The following DGKZ variants were observed in gnomAD, a reference collection of about 807,000 sequenced individuals.
The protein encoded by DGKZ is diacylglycerol kinase zeta.
A neutral mutation model predicts 142.5 loss-of-function variants in DGKZ; 45 were observed. The observed-to-expected ratio is 0.32, with a 90% CI of 0.25 to 0.40. DGKZ has a LOEUF of 0.40. Ranked by LOEUF, DGKZ falls within the 10% of genes least tolerant of loss-of-function variation. The probability of loss-of-function intolerance (pLI) is 1.00; values close to 1 mark genes in which losing one functional copy is unlikely to be tolerated. For missense variants in DGKZ, 755 were observed against 1,306.5 expected (o/e 0.58, Z 6.51); for synonymous variants, 442 against 527.0 (o/e 0.84, Z 2.21).
intron 1 of DGKZ, among the ~76,000 whole-genome samples, chr11:46,336,196 G>A (rs1940007182): frequency 1.3e-5 from 2 of 152,148 alleles, no homozygotes; most frequent in Admixed American, 6.6e-5. Context: ...AGGGGTGTGG[G>A]GCTTTCTCAG....
At position 46,347,681 on chromosome 11, in the gene DGKZ, C is replaced by T. The variant is rs1227701110; in HGVS notation, c.22C>T (p.Pro8Ser). ...CCGGATGGAGCCGCGGGACGGTAGC[C>T]CCGAGGCCCGGAGCAGCGACTCCGA... is the stretch of plus-strand genomic sequence containing the variant. Residue 8 changes from proline (P) to serine (S), a missense_variant, in exon 1 of 31, where the codon CCC (proline) becomes TCC (serine). Transcript: ENST00000527911. This position sits in a 1 kb window ranked among gnomAD's most constrained non-coding sequence, Gnocchi z 6.4. 4.1e-6 allele frequency: 6 copies of T among 1,449,082 alleles called. No individual in the cohort carries two copies. The East Asian group carries it at 1.8e-4, about 44-fold the overall frequency. 89.8% of individuals were successfully genotyped at this position (1,449,082 alleles called of 1,614,324 possible). A position where few individuals can be genotyped will look rare whatever the true frequency, so the allele number is the denominator to read the frequency against.
intron 1 of DGKZ, among the ~76,000 whole-genome samples, chr11:46,351,482 C>T (rs1474949625): frequency 6.6e-6 from 1 of 152,186 alleles, no homozygotes; most frequent in East Asian, 1.9e-4. Flanking sequence ...GGGTGCCCAG[C>T]GGGTGCCTGA....
chr11:46,357,800 G>A (rs149542555), intron 1 of DGKZ, among the ~76,000 whole-genome samples: 4 of 152,248 alleles, frequency 2.6e-5, no homozygotes, highest in Non-Finnish European at 2.9e-5. Flanking sequence ...GGGGTGTTCC[G>A]TTGGCTGTGA....
At chr11:46,374,870 G>GC in intron 18 of DGKZ, 31 bp downstream of exon 18, 1 of 1,582,816 alleles carries the variant, frequency 6.3e-7, no homozygotes, top group Non-Finnish European at 8.6e-7. Flanking sequence ...GCTGGGGGGA[G>GC]CCCTGCTGTC....
chr11:46,364,080 C>G (rs77065081), intron 1 of DGKZ, among the ~76,000 whole-genome samples: 3 of 152,184 alleles, frequency 2.0e-5, no homozygotes, highest in Admixed American at 2.0e-4. Flanking sequence ...AGCAGGTGTT[C>G]GTTATTATTC....
intron 1 of DGKZ, among the ~76,000 whole-genome samples, chr11:46,336,741 G>T (rs532770195): frequency 6.6e-6 from 1 of 152,196 alleles, no homozygotes; most frequent in Admixed American, 6.5e-5. Context: ...TTTTTGTAGG[G>T]ATGGGGTTTC....
chr11:46,367,199 G>A lies in DGKZ; in HGVS notation c.162-92G>A, dbSNP rs1259255177. 4.5e-6 allele frequency: 6 copies of A among 1,338,590 alleles called. No individual in the cohort carries two copies. The highest frequency in any genetic ancestry group is 2.0e-5 in the Admixed American group (1 of 50,844). 82.9% of individuals were successfully genotyped at this position (1,338,590 alleles called of 1,614,324 possible). On this transcript the variant is annotated intron_variant, in intron 1 of 30. Coordinates refer to ENST00000527911, the Ensembl canonical transcript of DGKZ. The surrounding 1 kb of genome is among the most constrained non-coding windows in gnomAD (Gnocchi z 4.1). ...AGGCTCCTCCGCCCTCCCTGTTGCC[G>A]AGGTCACGGAAAGGGCAGAGGCCCC...
At chr11:46,377,584 A>C in intron 25 of DGKZ, 2 of 280,088 alleles carry the variant, frequency 7.1e-6, no homozygotes, top group Non-Finnish European at 1.3e-5. Context: ...CCATCTCCAT[A>C]CCACGGTCAA....
intron 30 of DGKZ, 76 bp downstream of exon 30, chr11:46,379,644 C>T (rs1944994972): frequency 7.2e-7 from 1 of 1,386,908 alleles, no homozygotes; most frequent in Admixed American, 2.3e-5. Context: ...GGAGCTGGGG[C>T]TGGGGGCTGT....
chr11:46,353,926 G>T (rs560936280), intron 1 of DGKZ, among the ~76,000 whole-genome samples: 2 of 152,210 alleles, frequency 1.3e-5, no homozygotes, highest in East Asian at 3.8e-4. Flanking sequence ...TTAACAGCTT[G>T]CCTGTCTCTC....
upstream of DGKZ, among the ~76,000 whole-genome samples, chr11:46,347,213 C>T (rs192188009): frequency 4.3e-3 from 648 of 152,204 alleles, 3 homozygotes; most frequent in African/African-American, 0.015. The surrounding 1 kb of genome is among the most constrained non-coding windows in gnomAD (Gnocchi z 6.4). Context: ...TGGATGCGCG[C>T]AGTGCGAGTG....
At chr11:46,335,219 C>G (rs888177801) in intron 1 of DGKZ, among the ~76,000 whole-genome samples, 3 of 151,606 alleles carry the variant, frequency 2.0e-5, no homozygotes, top group African/African-American at 7.3e-5. Context: ...AAGCCTGAGA[C>G]AGGAGAATCA....
chr11:46,372,218 G>T lies in DGKZ; in HGVS notation c.927+48G>T. 6.7e-7 allele frequency: 1 copy of T among 1,499,714 alleles called. No homozygotes were observed. Among genetic ancestry groups the T allele is most frequent in the South Asian group, 1.2e-5 (1 of 80,450 alleles). The allele number at this position is 1,499,714 out of a possible 1,614,324, so 92.9% of individuals were successfully genotyped here. Reference sequence around the variant, plus strand: ...GCTAAGGGCTCGGGCGGGGGTTGGGGTCCAGCCCGTCTGCCAGCAGCTGTT... The same window carrying T: ...GCTAAGGGCTCGGGCGGGGGTTGGGTTCCAGCCCGTCTGCCAGCAGCTGTT... On this transcript the variant is annotated intron_variant, in intron 10 of 30. Coordinates refer to ENST00000527911, the Ensembl canonical transcript of DGKZ. This position sits in a 1 kb window ranked among gnomAD's most constrained non-coding sequence, Gnocchi z 5.9.
At chr11:46,376,679 C>T (rs546903028) in intron 24 of DGKZ, 115 bp downstream of exon 24, 2 of 1,384,570 alleles carry the variant, frequency 1.4e-6, no homozygotes, top group East Asian at 2.3e-5. Context: ...CCTCATGCCT[C>T]TGAGAGCTTT....
At chr11:46,361,604 T>G (rs1462847509) in intron 1 of DGKZ, 11 of 985,456 alleles carry the variant, frequency 1.1e-5, no homozygotes, top group Non-Finnish European at 1.3e-5. Context: ...CTGCTAGCTC[T>G]CCAAACTAGG....
intron 25 of DGKZ, chr11:46,377,505 G>C (rs904226230): frequency 8.8e-6 from 4 of 455,458 alleles, no homozygotes; most frequent in Non-Finnish European, 1.5e-5. Flanking sequence ...ACTGCCACCA[G>C]CCCTTCCCGG....
Position 46,367,117 on chromosome 11 carries a change from G to A in DGKZ, c.162-174G>A, listed in dbSNP as rs187890828. 5 of 1,313,354 alleles carry A rather than the reference G, an allele frequency of 3.8e-6. No homozygotes were observed. The highest frequency in any genetic ancestry group is 2.6e-4 in the Middle Eastern group (1 of 3,816). 81.4% of individuals were successfully genotyped at this position (1,313,354 alleles called of 1,614,324 possible). Reference sequence around the variant, plus strand: ...CTCTGGGCAGTACCCTGAAGCCAGCGTACCCCAAAAGGCCATGTCTCTTGC... The same window carrying A: ...CTCTGGGCAGTACCCTGAAGCCAGCATACCCCAAAAGGCCATGTCTCTTGC... On this transcript the variant is annotated intron_variant, in intron 1 of 30. Transcript: ENST00000527911. This position sits in a 1 kb window ranked among gnomAD's most constrained non-coding sequence, Gnocchi z 4.1.
rs899820278 is a variant in DGKZ, at chr11:46,358,384, C to T, written c.162-8907C>T. ...CTGTGATGAGGAAAAGCTCTTAACT[C>T]GATGCAGTTGTAAGCTGTACTAGAT... On this transcript the variant is annotated intron_variant, in intron 1 of 30. Coordinates refer to ENST00000527911, the Ensembl canonical transcript of DGKZ. Among the ~76,000 whole-genome samples, 8 of 152,134 alleles carry T rather than the reference C, an allele frequency of 5.3e-5. No homozygotes were observed. The East Asian group carries it at 5.8e-4, about 11-fold the overall frequency.
At position 46,366,762 on chromosome 11, in the gene DGKZ, C is replaced by T. The variant is rs764237544; in HGVS notation, c.162-529C>T. On this transcript the variant is annotated intron_variant, in intron 1 of 30. Transcript: ENST00000527911. ...CGAGCCTCCTCCCACCTGCTCCCCG[C>T]GGATGCCGTATATGACCACGCTCTC... The T allele has an allele frequency of 7.1e-6, 11 of 1,549,960 alleles. No individual in the cohort carries two copies. In the South Asian group the frequency reaches 8.3e-5, roughly 12 times the overall value.
Sources: allele counts gnomAD v4.1 joint callset (sites outside exome capture counted in the v4.1 genomes callset), GRCh38; gene constraint gnomAD v4.1.1; non-coding constraint Gnocchi (gnomAD v3.1); transcripts MANE v1.5; gene names NCBI Gene and HGNC (gene_info 2026-07-23, HGNC 2026-07-21).